The following GABRP variants were observed in gnomAD, a reference collection of about 807,000 sequenced individuals.
The protein encoded by GABRP is gamma-aminobutyric acid receptor subunit pi.
A neutral mutation model predicts 47.8 loss-of-function variants in GABRP; 52 were observed. The ratio of observed to expected loss-of-function variants is 1.09; its 90% CI spans 0.87 to 1.37. The LOEUF is 1.37. GABRP is among the 40% of genes most tolerant of loss of function. The pLI is 0.00. For synonymous variants in GABRP, 221 were observed against 205.8 expected, an observed-to-expected ratio of 1.07 and a Z score of -0.63; for missense variants, 525 against 542.8, an observed-to-expected ratio of 0.97 and a Z score of 0.33.
At position 170,812,086 on chromosome 5, in the gene GABRP, C is replaced by A; in HGVS notation, c.1151C>A (p.Thr384Lys). The change falls in exon 10 of 10, where the codon ACA (threonine) becomes AAA (lysine). Residue 384 changes from threonine to lysine, a missense_variant. Coordinates refer to ENST00000265294, the MANE Select transcript of GABRP (RefSeq NM_014211.3). Reference sequence around the variant, plus strand: ...GACAACGTTGACTACAGTGACTTGACAATGAAAACCAGCGACAAGTTCAAG... The same window carrying A: ...GACAACGTTGACTACAGTGACTTGAAAATGAAAACCAGCGACAAGTTCAAG... ...SSDNVDYSDL[T>K]MKTSDKFKFV... 1.9e-6 allele frequency: 3 copies of A among 1,614,108 alleles called. No individual in the cohort carries two copies. Among genetic ancestry groups the A allele is most frequent in the South Asian group, 1.1e-5 (1 of 91,074 alleles).
chr5:170,803,099 G>A (rs574192897), intron 6 of GABRP, among the ~76,000 whole-genome samples: 41 of 152,184 alleles, frequency 2.7e-4, no homozygotes, highest in African/African-American at 9.4e-4. Context: ...GATGGTAGCC[G>A]TATTTAGACA....
chr5:170,797,344 T>G, intron 5 of GABRP, 122 bp from the exon 6 acceptor site: 1 of 687,760 alleles, frequency 1.5e-6, no homozygotes, highest in Non-Finnish European at 2.7e-6. Flanking sequence ...ACATGCAGAC[T>G]CCAAGCTACA....
intron 8 of GABRP, 40 bp from the exon 9 acceptor site, chr5:170,809,528 C>G: frequency 6.2e-7 from 1 of 1,601,530 alleles, no homozygotes; most frequent in Non-Finnish European, 8.5e-7. Flanking sequence ...GGAGGACTAA[C>G]CAGTCACTTT....
At chr5:170,785,024 C>T (rs1377327186) in intron 1 of GABRP, among the ~76,000 whole-genome samples, 2 of 152,224 alleles carry the variant, frequency 1.3e-5, no homozygotes, top group Admixed American at 1.3e-4. Flanking sequence ...CTCAGTACCT[C>T]TCCACTAAAT....
rs138234781 is a variant in GABRP at position 170,793,515 on chromosome 5, G to A, written c.173-716G>A. Among the ~76,000 whole-genome samples the A allele has an allele frequency of 2.0e-5, 3 of 152,312 alleles. No homozygotes were observed. The East Asian group carries it at 5.8e-4, about 29-fold the overall frequency. ...TTCTAAATTGTTTAGGGTTCCAGGA[G>A]AGTAAAGGAAGAGAAGCAAAGTATC... On this transcript the variant is annotated intron_variant, in intron 3 of 9. Coordinates refer to ENST00000265294, the MANE Select transcript of GABRP (RefSeq NM_014211.3).
At position 170,809,184 on chromosome 5, in the gene GABRP, A is replaced by C. The variant is rs184897558; in HGVS notation, c.833-384A>C. 2.9e-3 allele frequency among the ~76,000 whole-genome samples: 444 copies of C among 152,208 alleles called. 2 individuals carry two copies. The highest frequency in any genetic ancestry group is 1.0e-2 in the African/African-American group (415 of 41,538). On this transcript the variant is annotated intron_variant, in intron 8 of 9. Coordinates refer to ENST00000265294, the MANE Select transcript of GABRP (RefSeq NM_014211.3). ...ACTCCTGACCTCAAGTGATCTGCCC[A>C]CCTTGGCCTCCCAAAGTGCTGGGAT...
rs757080223 is a variant in GABRP at position 170,809,775 on chromosome 5, T to C, written c.1020+20T>C. 3.5e-5 allele frequency: 55 copies of C among 1,567,242 alleles called. No individual in the cohort carries two copies. The South Asian group carries it at 5.2e-4, about 15-fold the overall frequency. ...GATAGGGTAAGAGTCTTGAGGGCCC[T>C]GTGTATGATCCATCACTGGTGCCGT... On this transcript the variant is annotated intron_variant, in intron 9 of 9. Coordinates refer to ENST00000265294, the MANE Select transcript of GABRP (RefSeq NM_014211.3).
chr5:170,788,344 G>A (rs1765176223), intron 1 of GABRP: 1 of 341,902 alleles, frequency 2.9e-6, no homozygotes, highest in Non-Finnish European at 5.0e-6. Context: ...GTGAGGCCCT[G>A]TTTAAAAAAA....
intron 3 of GABRP, 70 bp from the exon 4 acceptor site, chr5:170,794,161 A>G: frequency 2.3e-6 from 2 of 881,880 alleles, no homozygotes; most frequent in Non-Finnish European, 3.4e-6. Flanking sequence ...TCTTTTTTAG[A>G]ATGCACTAAT....
rs190468997 is a variant in GABRP, at chr5:170,798,097, G to A, written c.541+549G>A. Among the ~76,000 whole-genome samples the A allele has an allele frequency of 9.8e-3, 1,500 of 152,290 alleles. 24 individuals carry two copies. Among genetic ancestry groups the A allele is most frequent in the African/African-American group, 0.033 (1,386 of 41,558 alleles). Reference sequence around the variant, plus strand: ...CGCTCTGTCGCCCAAGCTGGACTGTGGTGGCGCGATCTCGGCTCACTGCAA... The same window carrying A: ...CGCTCTGTCGCCCAAGCTGGACTGTAGTGGCGCGATCTCGGCTCACTGCAA... On this transcript the variant is annotated intron_variant, in intron 6 of 9. Coordinates refer to ENST00000265294, the MANE Select transcript of GABRP (RefSeq NM_014211.3).
intron 7 of GABRP, among the ~76,000 whole-genome samples, chr5:170,807,829 G>A (rs752520372): frequency 1.3e-5 from 2 of 152,014 alleles, no homozygotes; most frequent in Non-Finnish European, 2.9e-5. Context: ...CAGAGGGTTG[G>A]AGCAGCTCCC....
At chr5:170,797,943 A>G (rs1033936368) in intron 6 of GABRP, among the ~76,000 whole-genome samples, 5 of 152,258 alleles carry the variant, frequency 3.3e-5, no homozygotes, top group African/African-American at 1.2e-4. Flanking sequence ...GTCTGTGGCT[A>G]CTTCTGTACT....
intron 6 of GABRP, among the ~76,000 whole-genome samples, chr5:170,799,701 A>G (rs1174592445): frequency 6.6e-6 from 1 of 152,116 alleles, no homozygotes; most frequent in Non-Finnish European, 1.5e-5. Flanking sequence ...AGATGAGTAC[A>G]TTGCAAAAAT....
At chr5:170,791,948 G>A (rs936977565) in intron 3 of GABRP, among the ~76,000 whole-genome samples, 1 of 152,224 alleles carries the variant, frequency 6.6e-6, no homozygotes, top group Non-Finnish European at 1.5e-5. Flanking sequence ...GATGGTGGAA[G>A]GTGAGAGGGT....
At chr5:170,785,861 G>A (rs538353604) in intron 1 of GABRP, among the ~76,000 whole-genome samples, 5 of 152,344 alleles carry the variant, frequency 3.3e-5, no homozygotes, top group Admixed American at 2.0e-4. Flanking sequence ...GAGAGAGGCC[G>A]TGGGCAAGCC....
rs548370382 is a variant in GABRP at position 170,805,839 on chromosome 5, C to T, written c.665C>T (p.Ser222Leu). The change falls in exon 7 of 10, where the codon TCG becomes TTG. Residue 222 changes from serine to leucine, a missense_variant. Ser to Leu is a moderately radical substitution (Grantham distance 145). Coordinates refer to ENST00000265294, the MANE Select transcript of GABRP (RefSeq NM_014211.3). ...IERYFTLVTR[S>L]QQETGNYTRL... is the part of the protein sequence containing the mutation. ...CGGTATTTCACCTTAGTCACCAGAT[C>T]GCAGCAGGAGACAGGTAACTCATGT... The T allele has an allele frequency of 4.3e-6, 7 of 1,613,936 alleles. No homozygotes were observed. The East Asian group carries it at 8.9e-5, about 21-fold the overall frequency.
chr5:170,795,233 G>A lies in GABRP; in HGVS notation c.266G>A (p.Arg89Gln), dbSNP rs762916068. 2.0e-5 allele frequency: 33 copies of A among 1,612,990 alleles called. No individual in the cohort carries two copies. Among genetic ancestry groups the A allele is most frequent in the East Asian group, 6.7e-5 (3 of 44,746 alleles). ...NMDYTATIYLRQRWMDQRLVF... is the reference protein window; with the variant it reads ...NMDYTATIYLQQRWMDQRLVF... ...GACTACACAGCCACCATATACCTCC[G>A]ACAGCGCTGGATGGACCAGCGGCTG... is the stretch of plus-strand genomic sequence containing the variant. The change falls in exon 5 of 10, where the codon CGA becomes CAA. Residue 89 changes from arginine to glutamine, a missense_variant. Coordinates refer to ENST00000265294, the MANE Select transcript of GABRP (RefSeq NM_014211.3).
Position 170,805,702 on chromosome 5 carries a change from A to G in GABRP, c.542-14A>G, listed in dbSNP as rs954969309. 8 of 1,613,924 alleles carry G rather than the reference A, an allele frequency of 5.0e-6. No homozygotes were observed. In the African/African-American group the frequency reaches 1.1e-4, roughly 22 times the overall value. On this transcript the variant is annotated splice_polypyrimidine_tract_variant and intron_variant, in intron 6 of 9. Coordinates refer to ENST00000265294, the MANE Select transcript of GABRP (RefSeq NM_014211.3). ...ACACCCTTGCACTGACCAGGGCTCC[A>G]TTTTATTTGCCAGGGGGCTATGATG... is the stretch of plus-strand genomic sequence containing the variant.
rs1765951327 is a variant in GABRP, at chr5:170,813,697, T to G, written c.*1439T>G. On this transcript the variant is annotated 3_prime_UTR_variant, in exon 10 of 10. Coordinates refer to ENST00000265294, the MANE Select transcript of GABRP (RefSeq NM_014211.3). ...CTTCCTGTTCTAATAAATGCACGGC[T>G]TTACCTTTCCTGTCAGAAATAAACC... 6.6e-6 allele frequency: 1 copy of G among 152,204 alleles called. No individual in the cohort carries two copies. Among genetic ancestry groups the G allele is most frequent in the African/African-American group, 2.4e-5 (1 of 41,444 alleles). 9.4% of individuals were successfully genotyped at this position (152,204 alleles called of 1,614,324 possible). A position where few individuals can be genotyped will look rare whatever the true frequency, so the allele number is the denominator to read the frequency against.
Sources: gnomAD v4.1 joint callset for allele counts (sites outside exome capture counted in the v4.1 genomes callset) on GRCh38, gnomAD v4.1.1 for gene constraint, MANE v1.5 for transcripts, NCBI Gene and HGNC (gene_info 2026-07-23, HGNC 2026-07-21) for gene names.